Variants in NRXN3 observed in about 807,000 individuals in gnomAD.
NRXN3 encodes the protein neurexin 3.
NRXN3 carries 32 observed loss-of-function variants against 137.6 expected under a neutral mutation model. That is an observed-to-expected ratio of 0.23 (90% CI 0.18 to 0.31). The LOEUF (loss-of-function observed/expected upper bound fraction) is 0.31, where lower values mean the gene tolerates loss of function less well. NRXN3 is among the 10% of genes least tolerant of loss of function. The pLI, the probability that NRXN3 is intolerant of heterozygous loss-of-function variation, is 1.00. For missense variants in NRXN3, 1,574 were observed against 2,062.5 expected (o/e 0.76, Z 4.59); for synonymous variants, 798 against 784.5 (o/e 1.02, Z -0.29).
intron 16 of NRXN3, among the ~76,000 whole-genome samples, chr14:79,619,529 A>G (rs185807238): frequency 2.5e-3 from 383 of 152,122 alleles, no homozygotes; most frequent in African/African-American, 9.0e-3. Flanking sequence ...AACTACCCAA[A>G]GGAATTAACT....
intron 20 of NRXN3, among the ~76,000 whole-genome samples, chr14:79,806,226 TA>T (rs1381940477): frequency 6.6e-6 from 1 of 152,130 alleles, no homozygotes; most frequent in Non-Finnish European, 1.5e-5. Context: ...GGAAAGCCAT[TA>T]AAAATTCTCT....
intron 16 of NRXN3, among the ~76,000 whole-genome samples, chr14:79,595,487 G>A (rs1037604228): frequency 1.3e-5 from 2 of 152,174 alleles, no homozygotes; most frequent in East Asian, 3.9e-4. Flanking sequence ...GTATGAATAA[G>A]CAGATAATTT....
chr14:79,817,887 TA>T (rs1252735915), intron 20 of NRXN3, among the ~76,000 whole-genome samples: 1 of 152,132 alleles, frequency 6.6e-6, no homozygotes, highest in Non-Finnish European at 1.5e-5. Flanking sequence ...ATGGGGGTTA[TA>T]AAATTGTTCC....
intron 16 of NRXN3, among the ~76,000 whole-genome samples, chr14:79,471,372 ATGTGAGGTTT>A (rs1218297744): frequency 6.6e-6 from 1 of 152,142 alleles, no homozygotes; most frequent in African/African-American, 2.4e-5. Context: ...ACATGTGCCG[ATGTGAGGTTT>A]TGTGAACGTG....
At chr14:78,978,595 A>G (rs1455915801) in intron 14 of NRXN3, among the ~76,000 whole-genome samples, 2 of 151,684 alleles carry the variant, frequency 1.3e-5, no homozygotes, top group African/African-American at 2.4e-5. Flanking sequence ...TGAAGGGTCC[A>G]AGACATATAT....
At position 79,007,805 on chromosome 14, in the gene NRXN3, C is replaced by CAAAAA. The variant is rs1160867331; in HGVS notation, c.3262+19683_3262+19687dup. ...TGGATGACAGAGCTAGACTCCATCT[C>CAAAAA]AAAAAAAAAAAAAAAAAAAAAAAGC... On this transcript the variant is annotated intron_variant, in intron 15 of 20. Transcript: ENST00000335750. Among the ~76,000 whole-genome samples, 64 of 37,952 alleles carry CAAAAA rather than the reference C, an allele frequency of 1.7e-3. 2 individuals are homozygous for CAAAAA. The East Asian group carries it at 0.03, about 18-fold the overall frequency. The allele number at this position is 37,952 out of a possible 152,430, so 24.9% of individuals were successfully genotyped here.
chr14:78,173,624 C>T (rs559109766), intron 1 of NRXN3, among the ~76,000 whole-genome samples: 4 of 143,122 alleles, frequency 2.8e-5, no homozygotes, highest in Non-Finnish European at 6.1e-5. Context: ...CCTAGGCGCA[C>T]CCCCCCTTCC....
chr14:79,237,200 G>A (rs548669976), intron 15 of NRXN3, among the ~76,000 whole-genome samples: 1 of 152,044 alleles, frequency 6.6e-6, no homozygotes, highest in South Asian at 2.1e-4. Flanking sequence ...AGGGAAAAGA[G>A]AATAGCAATG....
intron 16 of NRXN3, among the ~76,000 whole-genome samples, chr14:79,573,401 T>C (rs1005737582): frequency 1.9e-4 from 29 of 152,076 alleles, no homozygotes; most frequent in Admixed American, 1.8e-3. Context: ...GCAGCTGCCT[T>C]ATAGCTTCAG....
intron 10 of NRXN3, among the ~76,000 whole-genome samples, chr14:78,868,689 T>C (rs949411384): frequency 1.3e-5 from 2 of 151,812 alleles, no homozygotes; most frequent in African/African-American, 4.8e-5. Flanking sequence ...GGCATGTTGG[T>C]GCATGCCTGT....
intron 6 of NRXN3, chr14:78,697,872 C>T (rs1281375603): frequency 6.6e-6 from 1 of 152,052 alleles, no homozygotes; most frequent in African/African-American, 2.4e-5. Context: ...TCACTTTCCC[C>T]ACCTCTTTTG....
At chr14:78,905,144 C>A (rs1567664049) in intron 10 of NRXN3, among the ~76,000 whole-genome samples, 1 of 152,024 alleles carries the variant, frequency 6.6e-6, no homozygotes, top group Non-Finnish European at 1.5e-5. Context: ...CAACTCCTTG[C>A]ATTCTCTGAA....
At chr14:79,245,080 C>A (rs964675082) in intron 15 of NRXN3, among the ~76,000 whole-genome samples, 1 of 152,078 alleles carries the variant, frequency 6.6e-6, no homozygotes, top group Non-Finnish European at 1.5e-5. Context: ...TTTAAACTTG[C>A]TGAGCTTTGG....
intron 4 of NRXN3, among the ~76,000 whole-genome samples, chr14:78,359,649 G>A (rs989457292): frequency 2.0e-5 from 3 of 152,148 alleles, no homozygotes; most frequent in Non-Finnish European, 4.4e-5. Context: ...AGCCCAGGAG[G>A]GTGTGGACGA....
intron 19 of NRXN3, among the ~76,000 whole-genome samples, chr14:79,740,363 A>G (rs1057170376): frequency 7.9e-5 from 12 of 151,962 alleles, no homozygotes; most frequent in African/African-American, 2.9e-4. Flanking sequence ...TTGTCAGTCT[A>G]CTGCAAAACT....
chr14:79,011,172 G>A (rs1389760199), intron 15 of NRXN3, among the ~76,000 whole-genome samples: 2 of 152,120 alleles, frequency 1.3e-5, no homozygotes, highest in Non-Finnish European at 2.9e-5. Flanking sequence ...TTCTTTGTAC[G>A]TCTGAAATTA....
intron 15 of NRXN3, among the ~76,000 whole-genome samples, chr14:79,093,623 A>T (rs1470113978): frequency 1.3e-5 from 2 of 152,226 alleles, no homozygotes; most frequent in Non-Finnish European, 2.9e-5. Context: ...TAAACTGCCT[A>T]AGCACACCGG....
chr14:79,369,984 A>G (rs2094035973), intron 15 of NRXN3, among the ~76,000 whole-genome samples: 4 of 152,194 alleles, frequency 2.6e-5, no homozygotes, highest in South Asian at 4.1e-4. Flanking sequence ...GTTGGTACAC[A>G]TCCAGAAGGT....
intron 4 of NRXN3, among the ~76,000 whole-genome samples, chr14:78,628,859 C>T (rs2097492964): frequency 6.6e-6 from 1 of 152,152 alleles, no homozygotes; most frequent in Non-Finnish European, 1.5e-5. Context: ...ACTGCAGTGC[C>T]TTTTACCCAA....
Sources: allele counts gnomAD v4.1 joint callset (sites outside exome capture counted in the v4.1 genomes callset), GRCh38; gene constraint gnomAD v4.1.1; transcripts MANE v1.5; gene names NCBI Gene and HGNC (gene_info 2026-07-23, HGNC 2026-07-21).